Variants in MAP3K3 observed in about 807,000 individuals in gnomAD.
MAP3K3 encodes the protein MAP/ERK kinase kinase 3.
In MAP3K3, 12 loss-of-function variants were observed where a neutral mutation model predicts 80.9. The ratio of observed to expected loss-of-function variants is 0.15; its 90% CI spans 0.10 to 0.24. The LOEUF is 0.24. Among genes scored for constraint, MAP3K3 ranks in the 10% least tolerant of loss-of-function variants. The pLI is 1.00. For missense variants in MAP3K3, 596 were observed against 834.7 expected, an observed-to-expected ratio of 0.71 and a Z score of 3.52; for synonymous variants, 272 against 307.1, an observed-to-expected ratio of 0.89 and a Z score of 1.19.
Position 63,689,583 on chromosome 17 carries a change from A to C in MAP3K3, c.911A>C (p.Asn304Thr). The C allele has an allele frequency of 6.2e-7, 1 of 1,613,836 alleles. No homozygotes were observed. Among genetic ancestry groups the C allele is most frequent in the Non-Finnish European group, 8.5e-7 (1 of 1,179,838 alleles). ...TFPRIRRHQG[N>T]LFTLVPSSRS... ...CCCCGAATACGGCGTCATCAAGGCAACTTGTTCACCCTGGTGCCCTCCAGC... is the reference window on the plus strand; with the variant it reads ...CCCCGAATACGGCGTCATCAAGGCACCTTGTTCACCCTGGTGCCCTCCAGC... Residue 304 changes from asparagine (N) to threonine (T), a missense_variant, in exon 11 of 16, where the codon AAC (asparagine) becomes ACC (threonine). Around this residue, in one of 2 missense-constraint regions of MAP3K3, gnomAD observed 364 missense variants for 588.9 expected, o/e 0.62. Transcript: ENST00000361733. This position sits in a 1 kb window ranked among gnomAD's most constrained non-coding sequence, Gnocchi z 4.3.
rs994471175 is a variant in MAP3K3, at chr17:63,664,225, C to T, written c.382-2715C>T. Among the ~76,000 whole-genome samples the T allele has an allele frequency of 1.0e-4, 12 of 118,448 alleles. No individual in the cohort carries two copies. The East Asian group carries it at 2.1e-3, about 21-fold the overall frequency. 77.7% of individuals were successfully genotyped at this position (118,448 alleles called of 152,430 possible). A position where few individuals can be genotyped will look rare whatever the true frequency, so the allele number is the denominator to read the frequency against. The stretch of plus-strand genomic sequence containing the variant: ...TCGCGCCACTGCACTCCAGCCTGGG[C>T]GACAGAGCGAGACTCCGTCTCAAAA... On this transcript the variant is annotated intron_variant, in intron 5 of 15. Coordinates refer to ENST00000361733, the MANE Select transcript of MAP3K3 (RefSeq NM_002401.5).
At chr17:63,671,462 G>A (rs952848113) in intron 6 of MAP3K3, among the ~76,000 whole-genome samples, 5 of 152,072 alleles carry the variant, frequency 3.3e-5, no homozygotes, top group South Asian at 4.2e-4. Flanking sequence ...CACCACGTTG[G>A]CCAGGATGGT....
rs979305457 is a variant in MAP3K3, at chr17:63,626,749, C to T, written c.4+3986C>T. 6.6e-5 allele frequency among the ~76,000 whole-genome samples: 10 copies of T among 152,240 alleles called. No individual in the cohort carries two copies. The East Asian group carries it at 1.7e-3, about 26-fold the overall frequency. ...GAATGTCATGAAGAGAAAGTAAAAT[C>T]TGACTCAGGGACACTGAAGCACAGA... On this transcript the variant is annotated intron_variant, in intron 1 of 15. Coordinates refer to ENST00000361733, the MANE Select transcript of MAP3K3 (RefSeq NM_002401.5).
At chr17:63,684,491 A>T (rs2035406368) in intron 7 of MAP3K3, among the ~76,000 whole-genome samples, 1 of 152,214 alleles carries the variant, frequency 6.6e-6, no homozygotes, top group South Asian at 2.1e-4. Flanking sequence ...GATTTTAAAA[A>T]ATCATGTGTG....
chr17:63,628,676 T>TC (rs1276510105), intron 1 of MAP3K3, among the ~76,000 whole-genome samples: 1 of 152,230 alleles, frequency 6.6e-6, no homozygotes, highest in Non-Finnish European at 1.5e-5. Flanking sequence ...ATCTTTTTTT[T>TC]CATACAACTT....
intron 1 of MAP3K3, 55 bp from the exon 2 acceptor site, chr17:63,632,626 A>G: frequency 1.2e-6 from 2 of 1,602,196 alleles, no homozygotes; most frequent in South Asian, 2.2e-5. Context: ...TTTGTGAAAG[A>G]GCTTTGCTGG....
chr17:63,673,727 A>G (rs1038915513), intron 6 of MAP3K3, among the ~76,000 whole-genome samples: 2 of 152,090 alleles, frequency 1.3e-5, no homozygotes, highest in African/African-American at 4.8e-5. Context: ...CCTGTCCAAC[A>G]TGGTGAAACC....
At chr17:63,627,891 C>A (rs560675304) in intron 1 of MAP3K3, among the ~76,000 whole-genome samples, 1 of 150,612 alleles carries the variant, frequency 6.6e-6, no homozygotes, top group Non-Finnish European at 1.5e-5. Flanking sequence ...GCCTGTCACT[C>A]TTATTTTCTT....
chr17:63,649,519 A>T (rs1224424197), intron 3 of MAP3K3, among the ~76,000 whole-genome samples: 2 of 151,590 alleles, frequency 1.3e-5, no homozygotes, highest in Non-Finnish European at 2.9e-5. Context: ...TCCCAGGCTC[A>T]AGCAGTCCTC....
chr17:63,622,799 T>C (rs1369076796), intron 1 of MAP3K3, 36 bp downstream of exon 1: 1 of 478,216 alleles, frequency 2.1e-6, no homozygotes, highest in East Asian at 6.0e-5. Context: ...GTGCCCGCGC[T>C]GCTTCGCGAC....
rs574750979 is a variant in MAP3K3 at position 63,690,985 on chromosome 17, A to C, written c.1213-117A>C. 2.6e-5 allele frequency: 32 copies of C among 1,251,942 alleles called. No homozygotes were observed. The South Asian group carries it at 4.1e-4, about 16-fold the overall frequency. 77.6% of individuals were successfully genotyped at this position (1,251,942 alleles called of 1,614,324 possible). On this transcript the variant is annotated intron_variant, in intron 12 of 15. Transcript: ENST00000361733. ...AGTTAAGAGAGTCCCCCTTTTCTCC[A>C]ACTGCAGTTCCCAAGGCAGATCCCT...
chr17:63,691,878 A>G lies in MAP3K3; in HGVS notation c.1474+16A>G. The stretch of plus-strand genomic sequence containing the variant: ...GACATTAAGGGTGAGCAGGGCCAGG[A>G]TACATGGAGTCCCCAGGACCTGGGT... On this transcript the variant is annotated intron_variant, in intron 14 of 15. Transcript: ENST00000361733. This position sits in a 1 kb window ranked among gnomAD's most constrained non-coding sequence, Gnocchi z 4.8. The G allele has an allele frequency of 4.3e-6, 7 of 1,612,142 alleles. No individual in the cohort carries two copies. Among genetic ancestry groups the G allele is most frequent in the Non-Finnish European group, 5.9e-6 (7 of 1,178,508 alleles).
intron 3 of MAP3K3, among the ~76,000 whole-genome samples, chr17:63,650,013 G>A (rs2034618072): frequency 6.6e-6 from 1 of 152,192 alleles, no homozygotes; most frequent in South Asian, 2.1e-4. Flanking sequence ...CATGGAAGAG[G>A]ACAAGAACTG....
At chr17:63,638,975 G>A (rs1404527426) in intron 2 of MAP3K3, among the ~76,000 whole-genome samples, 2 of 151,958 alleles carry the variant, frequency 1.3e-5, no homozygotes, top group African/African-American at 4.8e-5. Flanking sequence ...GTAGTGAGCC[G>A]AGATCACTGC....
intron 2 of MAP3K3, chr17:63,636,838 G>T: frequency 2.8e-6 from 1 of 359,766 alleles, no homozygotes; most frequent in Non-Finnish European, 5.5e-6. Context: ...CAAGAAGACT[G>T]CGTTGGTGGT....
At chr17:63,650,696 G>GAGAGAGAGAGAGA (rs752583799) in intron 3 of MAP3K3, among the ~76,000 whole-genome samples, 1 of 112,484 alleles carries the variant, frequency 8.9e-6, no homozygotes, top group African/African-American at 3.7e-5. Flanking sequence ...GAGAGAGAGA[G>GAGAGAGAGAGAGA]TTTTTTTTTT....
At chr17:63,685,894 T>C (rs910109379) in intron 8 of MAP3K3, among the ~76,000 whole-genome samples, 2 of 152,258 alleles carry the variant, frequency 1.3e-5, no homozygotes, top group Admixed American at 6.5e-5. Flanking sequence ...TGCTGTGATC[T>C]GAACTGAGAA....
chr17:63,657,257 T>A (rs944244915), intron 4 of MAP3K3, among the ~76,000 whole-genome samples: 7 of 152,108 alleles, frequency 4.6e-5, no homozygotes, highest in African/African-American at 1.7e-4. Flanking sequence ...AGTAAATTAG[T>A]GTTTTTGGAG....
rs115609820 is a variant in MAP3K3 at position 63,667,346 on chromosome 17, C to G, written c.502+286C>G. Among the ~76,000 whole-genome samples the G allele has an allele frequency of 5.2e-3, 797 of 152,278 alleles. 18 individuals carry two copies. Among genetic ancestry groups the G allele is most frequent in the African/African-American group, 0.018 (763 of 41,548 alleles). ...GCCTCAGACATCTGCTTGAAGACTT[C>G]CAGCTGTGTTTACACTCACTTTTGA... On this transcript the variant is annotated intron_variant, in intron 6 of 15. Transcript: ENST00000361733.
Sources: allele counts gnomAD v4.1 joint callset (sites outside exome capture counted in the v4.1 genomes callset), GRCh38; gene constraint gnomAD v4.1.1; regional missense constraint gnomAD v4.1.1; non-coding constraint Gnocchi (gnomAD v3.1); transcripts MANE v1.5; gene names NCBI Gene and HGNC (gene_info 2026-07-23, HGNC 2026-07-21).